The following PTGDR variants were observed in gnomAD, a reference collection of about 807,000 sequenced individuals.
The protein encoded by PTGDR is PGD2 receptor.
In PTGDR, 19 loss-of-function variants were observed where a neutral mutation model predicts 17.4. The ratio of observed to expected loss-of-function variants is 1.09; its 90% CI spans 0.76 to 1.60. The LOEUF is 1.60. Ranked by LOEUF, PTGDR falls within the 40% of genes most tolerant of loss-of-function variation. PTGDR has a pLI of 0.00. For missense variants in PTGDR, 526 were observed against 481.9 expected (o/e 1.09, Z -0.86); for synonymous variants, 267 against 224.2 (o/e 1.19, Z -1.71).
downstream of PTGDR, among the ~76,000 whole-genome samples, chr14:52,279,854 G>C (rs2033468786): frequency 6.7e-6 from 1 of 149,902 alleles, no homozygotes; most frequent in Non-Finnish European, 1.5e-5. Context: ...AAAATACAGG[G>C]AGAAGATATA....
downstream of PTGDR, among the ~76,000 whole-genome samples, chr14:52,279,227 G>A (rs1158205988): frequency 2.6e-5 from 4 of 152,164 alleles, no homozygotes; most frequent in African/African-American, 7.2e-5. Context: ...ATCTGATGAA[G>A]AATGTTCTCA....
At chr14:52,274,556 C>A (rs1346738921) in intron 1 of PTGDR, among the ~76,000 whole-genome samples, 175 bp from the exon 2 acceptor site, 1 of 152,146 alleles carries the variant, frequency 6.6e-6, no homozygotes. Flanking sequence ...CCCCACCTTC[C>A]CAGCTCCCCA....
At chr14:52,279,720 A>T (rs2033467116), downstream of PTGDR, among the ~76,000 whole-genome samples, 1 of 152,156 alleles carries the variant, frequency 6.6e-6, no homozygotes, top group Non-Finnish European at 1.5e-5. Flanking sequence ...CGAACTCAGG[A>T]GTAAGTCCAA....
intron 1 of PTGDR, among the ~76,000 whole-genome samples, chr14:52,273,084 C>T (rs891675669): frequency 1.1e-4 from 17 of 152,202 alleles, no homozygotes; most frequent in South Asian, 1.0e-3. Flanking sequence ...ACAATCTAGG[C>T]GCACTACAAC....
At chr14:52,274,073 C>T (rs879692972) in intron 1 of PTGDR, among the ~76,000 whole-genome samples, 1 of 143,764 alleles carries the variant, frequency 7.0e-6, no homozygotes, top group East Asian at 2.0e-4. Context: ...CTAGATTGAA[C>T]AAGAAAAAAA....
intron 1 of PTGDR, among the ~76,000 whole-genome samples, chr14:52,272,488 G>C (rs2033340025): frequency 6.6e-6 from 1 of 151,690 alleles, no homozygotes; most frequent in Non-Finnish European, 1.5e-5. Context: ...AAAAATACAT[G>C]GGCATTTTTA....
At chr14:52,279,570 T>C (rs1229349664), downstream of PTGDR, among the ~76,000 whole-genome samples, 1 of 152,080 alleles carries the variant, frequency 6.6e-6, no homozygotes, top group Non-Finnish European at 1.5e-5. Context: ...GCTGAGCACA[T>C]AGGATGGGTG....
chr14:52,280,664 A>G (rs1410828173), downstream of PTGDR, among the ~76,000 whole-genome samples: 2 of 152,216 alleles, frequency 1.3e-5, no homozygotes, highest in African/African-American at 4.8e-5. Flanking sequence ...AGACAAATGC[A>G]TATCTGATTG....
Position 52,267,916 on chromosome 14 carries a change from C to G in PTGDR, c.102C>G (p.Asn34Lys). The change falls in exon 1 of 2, where the codon AAC becomes AAG. Residue 34 changes from asparagine to lysine, a missense_variant. Transcript: ENST00000306051. ...GVLFSTGLLGNLLALGLLARS... is the reference protein window; with the variant it reads ...GVLFSTGLLGKLLALGLLARS... ...TCTTCAGCACCGGCCTCCTGGGCAACCTGCTGGCCCTGGGGCTGCTGGCGC... is the reference window on the plus strand; with the variant it reads ...TCTTCAGCACCGGCCTCCTGGGCAAGCTGCTGGCCCTGGGGCTGCTGGCGC... 1 of 1,610,142 alleles carries G rather than the reference C, an allele frequency of 6.2e-7. No homozygotes were observed.
rs802986 is a variant in PTGDR, at chr14:52,275,996, G to C, written c.*1032G>C. ...ACAGCCGTATTCTGCTGTCCGTGGAGACGGTAAGATCTTAGGTTCCAAGAT... is the reference window on the plus strand; with the variant it reads ...ACAGCCGTATTCTGCTGTCCGTGGACACGGTAAGATCTTAGGTTCCAAGAT... On this transcript the variant is annotated 3_prime_UTR_variant, in exon 2 of 2. Transcript: ENST00000306051. The C allele has an allele frequency of 0.14, 21,934 of 152,648 alleles. 1,820 individuals carry two copies. The highest frequency in any genetic ancestry group is 0.19 in the Non-Finnish European group (13,228 of 68,020). 9.5% of individuals were successfully genotyped at this position (152,648 alleles called of 1,614,324 possible).
Position 52,268,170 on chromosome 14 carries a change from C to A in PTGDR, c.356C>A (p.Ser119Ter). Residue 119 changes from serine (S) to a stop codon, truncating the protein, a stop_gained, in exon 1 of 2, where the codon TCG becomes TAG. Transcript: ENST00000306051. LOFTEE classifies it high-confidence loss of function. Reference sequence around the variant, plus strand: ...TTCATGTCCTTCTTTGGGCTCTCCTCGACACTGCAACTCCTGGCCATGGCA... The same window carrying A: ...TTCATGTCCTTCTTTGGGCTCTCCTAGACACTGCAACTCCTGGCCATGGCA... ...AFFMSFFGLS[S>*]TLQLLAMALE... is the part of the protein sequence containing the mutation. 6.2e-7 allele frequency: 1 copy of A among 1,614,144 alleles called. No homozygotes were observed. The highest frequency in any genetic ancestry group is 8.5e-7 in the Non-Finnish European group (1 of 1,180,030).
intron 1 of PTGDR, chr14:52,269,570 A>T: frequency 1.1e-5 from 16 of 1,477,534 alleles, no homozygotes; most frequent in Non-Finnish European, 1.5e-5. Flanking sequence ...CAATACTTAC[A>T]GAAATTCCAT....
chr14:52,274,801 T>G lies in PTGDR; in HGVS notation c.917T>G (p.Leu306Arg). 1.2e-6 allele frequency: 2 copies of G among 1,613,804 alleles called. No homozygotes were observed. The highest frequency in any genetic ancestry group is 1.7e-6 in the Non-Finnish European group (2 of 1,179,688). ...KNRTSEEAED[L>R]RALRFLSVIS... ...AGGACCTCTGAAGAAGCAGAAGACC[T>G]CCGAGCCTTGCGATTTCTATCTGTG... Residue 306 changes from leucine to arginine, a missense_variant, in exon 2 of 2, where the codon CTC (leucine) becomes CGC (arginine). By Grantham distance (102) the Leu-to-Arg change is moderately radical (BLOSUM62 -2). Coordinates refer to ENST00000306051, the MANE Select transcript of PTGDR (RefSeq NM_000953.3).
chr14:52,271,348 CT>C (rs1566482895), intron 1 of PTGDR, among the ~76,000 whole-genome samples: 1 of 151,814 alleles, frequency 6.6e-6, no homozygotes, highest in South Asian at 2.1e-4. Flanking sequence ...GGCTCTGAAA[CT>C]TTTTTTTGGT....
downstream of PTGDR, among the ~76,000 whole-genome samples, chr14:52,279,972 T>C (rs1243687317): frequency 1.3e-5 from 2 of 152,012 alleles, no homozygotes; most frequent in Non-Finnish European, 2.9e-5. Flanking sequence ...TAGGGTCCTA[T>C]GATGATCTTA....
chr14:52,279,170 TC>T (rs1257385358), downstream of PTGDR, among the ~76,000 whole-genome samples: 1 of 152,186 alleles, frequency 6.6e-6, no homozygotes, highest in Non-Finnish European at 1.5e-5. Context: ...AAAATGTACG[TC>T]TATTCAATAA....
Position 52,275,069 on chromosome 14 carries a change from T to A in PTGDR, c.*105T>A. On this transcript the variant is annotated 3_prime_UTR_variant, in exon 2 of 2. Transcript: ENST00000306051. ...ACTTACAATTTAAATCCTTAAAAGT[T>A]ACCTCCCATAACAAAAGCATGTATA... 1.1e-6 allele frequency: 1 copy of A among 888,986 alleles called. No individual in the cohort carries two copies. The highest frequency in any genetic ancestry group is 1.7e-6 in the Non-Finnish European group (1 of 592,596). 55.1% of individuals were successfully genotyped at this position (888,986 alleles called of 1,614,324 possible). A position where few individuals can be genotyped will look rare whatever the true frequency, so the allele number is the denominator to read the frequency against.
downstream of PTGDR, among the ~76,000 whole-genome samples, chr14:52,277,484 C>T (rs2033443475): frequency 6.6e-6 from 1 of 152,136 alleles, no homozygotes; most frequent in Non-Finnish European, 1.5e-5. Context: ...CAACAAGCAA[C>T]AACAACAACA....
At chr14:52,277,831 T>G (rs1003068119), downstream of PTGDR, among the ~76,000 whole-genome samples, 1 of 151,930 alleles carries the variant, frequency 6.6e-6, no homozygotes, top group African/African-American at 2.4e-5. Flanking sequence ...CATGCTAATA[T>G]TTGAGAACCA....
Sources: allele counts gnomAD v4.1 joint callset (sites outside exome capture counted in the v4.1 genomes callset), GRCh38; gene constraint gnomAD v4.1.1; transcripts MANE v1.5; gene names NCBI Gene and HGNC (gene_info 2026-07-23, HGNC 2026-07-21).